PNPLA7: variants seen among roughly 807,000 people sequenced by gnomAD.
PNPLA7 encodes patatin like domain 7, lysophospholipase, also known as patatin-like phospholipase domain-containing protein 7.
In PNPLA7, 153 loss-of-function variants were observed where a neutral mutation model predicts 161.7. The ratio of observed to expected loss-of-function variants is 0.95; its 90% confidence interval spans 0.83 to 1.08. The LOEUF is 1.08. PNPLA7 is among the 50% of genes least tolerant of loss of function. The probability of loss-of-function intolerance (pLI) is 0.00; values close to 1 mark genes in which losing one functional copy is unlikely to be tolerated. For synonymous variants in PNPLA7, 809 were observed against 782.1 expected, an observed-to-expected ratio of 1.03 and a Z score of -0.57; for missense variants, 1,739 against 1,856.6, an observed-to-expected ratio of 0.94 and a Z score of 1.16.
Position 137,493,034 on chromosome 9 carries a change from G to C in PNPLA7, c.2176C>G (p.Leu726Val). Residue 726 changes from leucine to valine, a missense_variant, in exon 20 of 35, where the codon CTC (leucine) becomes GTC (valine). By Grantham distance (32) the Leu-to-Val change is conservative (BLOSUM62 1). Transcript: ENST00000406427. ...CCACCTGTCACAGGTCCCTGCTGGA[G>C]GCTGCCCAGGATCTTCTCACCCAAG... is the stretch of plus-strand genomic sequence containing the variant. ...HLLGEKILGS[L>V]QQGPVTGHQL... 1 of 1,613,846 alleles carries C rather than the reference G, an allele frequency of 6.2e-7. No homozygotes were observed. The highest frequency in any genetic ancestry group is 8.5e-7 in the Non-Finnish European group (1 of 1,180,010).
At chr9:137,546,724 C>T (rs1001803307) in intron 4 of PNPLA7, 106 bp downstream of exon 4, 9 of 1,007,718 alleles carry the variant, frequency 8.9e-6, no homozygotes, top group African/African-American at 3.2e-5. Flanking sequence ...GGACAGCACA[C>T]ACCAAGCACT....
At position 137,542,634 on chromosome 9, in the gene PNPLA7, C is replaced by G; in HGVS notation, c.666+8G>C. On this transcript the variant is annotated splice_region_variant and intron_variant, in intron 7 of 34. Coordinates refer to ENST00000406427, the MANE Select transcript of PNPLA7 (RefSeq NM_001098537.3). ...CGCCTGACCCCGCCCCGCCGCCCTG[C>G]GACTCACAGTGTCCTGGATGCAGAC... 1 of 1,579,764 alleles carries G rather than the reference C, an allele frequency of 6.3e-7. No homozygotes were observed. The highest frequency in any genetic ancestry group is 8.6e-7 in the Non-Finnish European group (1 of 1,156,854).
At chr9:137,529,872 T>C (rs1229605560) in intron 8 of PNPLA7, among the ~76,000 whole-genome samples, 3 of 152,032 alleles carry the variant, frequency 2.0e-5, no homozygotes, top group African/African-American at 7.2e-5. Context: ...TTGACCAGGC[T>C]GGTGTGGAAC....
chr9:137,535,435 C>T (rs1383537999), intron 8 of PNPLA7, among the ~76,000 whole-genome samples: 2 of 152,110 alleles, frequency 1.3e-5, no homozygotes, highest in African/African-American at 2.4e-5. Context: ...AAAATTAAAA[C>T]ATAAGAACAA....
At chr9:137,549,370 A>C (rs552328977) in intron 1 of PNPLA7, among the ~76,000 whole-genome samples, 25 of 152,142 alleles carry the variant, frequency 1.6e-4, no homozygotes, top group Non-Finnish European at 2.9e-4. Flanking sequence ...AATCGAGACC[A>C]TCCTGGCTAA....
intron 28 of PNPLA7, among the ~76,000 whole-genome samples, chr9:137,463,892 C>T (rs1831338863): frequency 6.6e-6 from 1 of 152,216 alleles, no homozygotes; most frequent in African/African-American, 2.4e-5. Context: ...TCTAGCCCAA[C>T]ATTGCTGATT....
chr9:137,493,754 G>A lies in PNPLA7; in HGVS notation c.2128-672C>T, dbSNP rs527841796. Among the ~76,000 whole-genome samples, 54 of 152,348 alleles carry A rather than the reference G, an allele frequency of 3.5e-4. 1 individual carries two copies. In the South Asian group the frequency reaches 0.011, roughly 30 times the overall value. ...CGCTCATGAGAACGAGGCCCACCCT[G>A]CAGGCCAGGACAAAGATGGAGGAGT... On this transcript the variant is annotated intron_variant, in intron 19 of 34. Transcript: ENST00000406427.
rs1030910942 is a variant in PNPLA7 at position 137,505,187 on chromosome 9, CA to C, written c.1473+426del. On this transcript the variant is annotated intron_variant, in intron 14 of 34. Coordinates refer to ENST00000406427, the MANE Select transcript of PNPLA7 (RefSeq NM_001098537.3). ...TGGGCGATACTGCGAGACTCTGTCT[CA>C]AAAAAAAAAAAAAAAAAAAAAGCTT... Among the ~76,000 whole-genome samples the C allele has an allele frequency of 6.6e-3, 377 of 56,978 alleles. No individual in the cohort carries two copies. In the East Asian group the frequency reaches 0.12, roughly 18 times the overall value. The allele number at this position is 56,978 out of a possible 152,430, so 37.4% of individuals were successfully genotyped here.
chr9:137,538,225 C>T (rs1835997548), intron 8 of PNPLA7, among the ~76,000 whole-genome samples: 1 of 152,218 alleles, frequency 6.6e-6, no homozygotes, highest in Non-Finnish European at 1.5e-5. Context: ...GGCCGGCAGC[C>T]TCCCCAGCAC....
intron 12 of PNPLA7, chr9:137,508,999 C>G (rs896184782): frequency 6.6e-6 from 1 of 152,416 alleles, no homozygotes; most frequent in Non-Finnish European, 1.5e-5. Context: ...CTCCACTGCA[C>G]GCCCACCAGA....
rs1470851808 is a variant in PNPLA7 at position 137,500,236 on chromosome 9, C to T, written c.1757+455G>A. Among the ~76,000 whole-genome samples the T allele has an allele frequency of 2.6e-5, 4 of 152,372 alleles. No homozygotes were observed. The highest frequency in any genetic ancestry group is 3.9e-4 in the East Asian group (2 of 5,186). On this transcript the variant is annotated intron_variant, in intron 16 of 34. Transcript: ENST00000406427. This position sits in a 1 kb window ranked among gnomAD's most constrained non-coding sequence, Gnocchi z 5.5. ...TGGGGCTCCTCCCCCGAGCCAGAGA[C>T]GCGTCCTCACCCACTGCCTTGCCCT...
At chr9:137,529,689 A>C in intron 8 of PNPLA7, among the ~76,000 whole-genome samples, 1 of 125,130 alleles carries the variant, frequency 8.0e-6, no homozygotes, top group African/African-American at 3.1e-5. Context: ...ACGGAGTTTC[A>C]CTCTACCACC....
At chr9:137,503,147 C>T (rs1299075274) in intron 14 of PNPLA7, among the ~76,000 whole-genome samples, 13 of 151,882 alleles carry the variant, frequency 8.6e-5, no homozygotes, top group Middle Eastern at 3.2e-3. Context: ...TTTTGGAGGC[C>T]GAGGCAGGTA....
chr9:137,503,754 GAAAA>G lies in PNPLA7; in HGVS notation c.1473+1856_1473+1859del, dbSNP rs1271272672. ...GGGAAGGGGAAGGAAGAAGAAGAAAGAAAAGAAAGAAAAAGAAGAAAAAAGAAAG... is the reference window on the plus strand; with the variant it reads ...GGGAAGGGGAAGGAAGAAGAAGAAAGGAAAGAAAAAGAAGAAAAAAGAAAG... On this transcript the variant is annotated intron_variant, in intron 14 of 34. Transcript: ENST00000406427. Among the ~76,000 whole-genome samples the G allele has an allele frequency of 4.6e-4, 48 of 104,498 alleles. 1 individual carries two copies. Among genetic ancestry groups the G allele is most frequent in the African/African-American group, 2.2e-3 (47 of 21,042 alleles). The allele number at this position is 104,498 out of a possible 152,430, so 68.6% of individuals were successfully genotyped here.
At chr9:137,473,042 AG>A (rs375785719) in intron 25 of PNPLA7, among the ~76,000 whole-genome samples, 1 of 152,222 alleles carries the variant, frequency 6.6e-6, no homozygotes, top group African/African-American at 2.4e-5. Context: ...AAGGAGGAGC[AG>A]AGGCACATCT....
rs191130283 is a variant in PNPLA7 at position 137,520,602 on chromosome 9, A to G, written c.958-559T>C. On this transcript the variant is annotated intron_variant, in intron 10 of 34. Transcript: ENST00000406427. This position sits in a 1 kb window ranked among gnomAD's most constrained non-coding sequence, Gnocchi z 5.2. ...CTAACCGAGCTCCACTTGCCCCATG[A>G]CTAAAGAGAGCCCTCCGCATATCAG... Among the ~76,000 whole-genome samples, 1 of 152,296 alleles carries G rather than the reference A, an allele frequency of 6.6e-6. No homozygotes were observed. The highest frequency in any genetic ancestry group is 1.9e-4 in the East Asian group (1 of 5,182).
rs544556347 is a variant in PNPLA7 at position 137,545,967 on chromosome 9, A to G, written c.273+863T>C. The stretch of plus-strand genomic sequence containing the variant: ...CCCAGGGGAGTTCAGAGATGACTCT[A>G]CCCCTCCACCTCCTGTGGAGGGCCT... On this transcript the variant is annotated intron_variant, in intron 4 of 34. Transcript: ENST00000406427. Among the ~76,000 whole-genome samples, 868 of 151,720 alleles carry G rather than the reference A, an allele frequency of 5.7e-3. 5 individuals carry two copies. Among genetic ancestry groups the G allele is most frequent in the Middle Eastern group, 0.034 (10 of 294 alleles).
At chr9:137,478,702 C>T (rs148931276) in intron 24 of PNPLA7, 3,025 of 215,430 alleles carry the variant, frequency 0.014, 27 homozygotes, top group Middle Eastern at 0.057. Context: ...CAGCCCTGAG[C>T]AGCCCTGACA....
chr9:137,535,281 T>A (rs1835822883), intron 8 of PNPLA7, among the ~76,000 whole-genome samples: 1 of 152,150 alleles, frequency 6.6e-6, no homozygotes, highest in African/African-American at 2.4e-5. Flanking sequence ...ACACATAAAG[T>A]GACTGCTGGA....
Sources: gnomAD v4.1 joint callset for allele counts (sites outside exome capture counted in the v4.1 genomes callset) on GRCh38, gnomAD v4.1.1 for gene constraint, Gnocchi (gnomAD v3.1) non-coding constraint, MANE v1.5 for transcripts, NCBI Gene and HGNC (gene_info 2026-07-23, HGNC 2026-07-21) for gene names.